TASP1: variants seen among roughly 807,000 people sequenced by gnomAD.
TASP1 encodes the protein taspase 1, also known as threonine aspartase 1.
A neutral mutation model predicts 56.6 loss-of-function variants in TASP1; 16 were observed. That is an observed-to-expected ratio of 0.28 (90% confidence interval 0.19 to 0.43). The LOEUF is 0.43. Ranked by LOEUF, TASP1 falls within the 20% of genes least tolerant of loss-of-function variation. The pLI is 1.00. For missense variants in TASP1, 393 were observed against 511.6 expected (o/e 0.77, Z 2.24); for synonymous variants, 179 against 184.2 (o/e 0.97, Z 0.23).
intron 8 of TASP1, among the ~76,000 whole-genome samples, chr20:13,542,881 T>A (rs997012980): frequency 2.2e-4 from 33 of 148,698 alleles, no homozygotes; most frequent in Admixed American, 2.0e-4. Flanking sequence ...GAAGAAAAAA[T>A]TAATAAGCTA....
At chr20:13,132,342 A>G in the TASP1 span, among the ~76,000 whole-genome samples, 13,699 of 151,638 alleles carry the variant, frequency 0.09, 660 homozygotes, top group Middle Eastern at 0.12. Context: ...ACGCCCAGCT[A>G]ATTTTTGTAT....
the TASP1 span, among the ~76,000 whole-genome samples, chr20:13,129,187 A>C: frequency 5.9e-5 from 9 of 152,240 alleles, no homozygotes; most frequent in African/African-American, 2.2e-4. Context: ...TTTGTAGTCG[A>C]GACGGGGTTT....
the TASP1 span, chr20:13,288,760 G>T: frequency 2.1e-6 from 3 of 1,409,336 alleles, no homozygotes; most frequent in South Asian, 1.3e-5. Context: ...TAGTGACATT[G>T]TCTTTTTAAA....
chr20:13,414,916 G>A (rs920413393), intron 13 of TASP1, among the ~76,000 whole-genome samples: 1 of 151,582 alleles, frequency 6.6e-6, no homozygotes, highest in Non-Finnish European at 1.5e-5. Context: ...CCTTTTCTAC[G>A]CAATATGATT....
chr20:13,490,715 T>G (rs561414255), intron 10 of TASP1, among the ~76,000 whole-genome samples: 1 of 142,664 alleles, frequency 7.0e-6, no homozygotes, highest in East Asian at 2.4e-4. Flanking sequence ...CACCCCTACC[T>G]TAAGGCCTAT....
the TASP1 span, among the ~76,000 whole-genome samples, chr20:13,369,645 G>A: frequency 6.6e-6 from 1 of 152,136 alleles, no homozygotes; most frequent in African/African-American, 2.4e-5. Flanking sequence ...TTCCCAGGGT[G>A]TTTATTAAGT....
chr20:13,280,902 C>A, the TASP1 span, among the ~76,000 whole-genome samples: 2 of 152,114 alleles, frequency 1.3e-5, no homozygotes, highest in African/African-American at 4.8e-5. Flanking sequence ...ACAAATGCAC[C>A]CATCGTCATG....
the TASP1 span, among the ~76,000 whole-genome samples, chr20:13,270,186 G>A: frequency 6.6e-6 from 1 of 152,172 alleles, no homozygotes. Context: ...ACATAATTTG[G>A]TTCCAGCTCT....
intron 8 of TASP1, among the ~76,000 whole-genome samples, chr20:13,548,235 C>T (rs980242396): frequency 6.6e-6 from 1 of 152,040 alleles, no homozygotes; most frequent in Non-Finnish European, 1.5e-5. Flanking sequence ...TCAAACTGTA[C>T]TTTTAGAAAA....
chr20:13,223,752 G>A, the TASP1 span, among the ~76,000 whole-genome samples: 1 of 152,064 alleles, frequency 6.6e-6, no homozygotes, highest in Non-Finnish European at 1.5e-5. Flanking sequence ...TATAGACTGG[G>A]GCACCCACCA....
chr20:13,270,382 C>A, the TASP1 span: 7 of 1,094,846 alleles, frequency 6.4e-6, no homozygotes, highest in South Asian at 1.1e-4. Flanking sequence ...GTTTGGAATG[C>A]CCTACTGGCT....
chr20:13,419,949 C>T (rs1183278271), intron 12 of TASP1, among the ~76,000 whole-genome samples: 1 of 152,220 alleles, frequency 6.6e-6, no homozygotes, highest in Non-Finnish European at 1.5e-5. Context: ...ACATCCAGAG[C>T]AAGGTCTGGG....
the TASP1 span, among the ~76,000 whole-genome samples, chr20:13,215,985 T>C: frequency 1.3e-5 from 2 of 152,224 alleles, no homozygotes; most frequent in Admixed American, 6.5e-5. Flanking sequence ...ACTTCAGGCT[T>C]TCTGTTCGTT....
intron 10 of TASP1, among the ~76,000 whole-genome samples, chr20:13,486,495 C>A (rs762179779): frequency 1.3e-5 from 2 of 152,158 alleles, no homozygotes; most frequent in Non-Finnish European, 2.9e-5. Flanking sequence ...ATGAAACCAA[C>A]TCACTATTCT....
the TASP1 span, among the ~76,000 whole-genome samples, chr20:13,243,609 T>C: frequency 6.6e-6 from 1 of 151,726 alleles, no homozygotes; most frequent in African/African-American, 2.4e-5. Flanking sequence ...CTGAATGCCA[T>C]TGACTGCCAT....
chr20:13,111,906 A>AAAC, the TASP1 span, among the ~76,000 whole-genome samples: 1 of 152,184 alleles, frequency 6.6e-6, no homozygotes, highest in Non-Finnish European at 1.5e-5. Context: ...CTACACAGAG[A>AAAC]AACAACTCCA....
At chr20:13,383,962 GA>G in the TASP1 span, among the ~76,000 whole-genome samples, 1 of 150,768 alleles carries the variant, frequency 6.6e-6, no homozygotes, top group Non-Finnish European at 1.5e-5. Flanking sequence ...TACCAGGTGG[GA>G]AAGACTGCTA....
intron 11 of TASP1, among the ~76,000 whole-genome samples, chr20:13,460,379 T>A (rs1259524342): frequency 1.3e-5 from 2 of 152,196 alleles, no homozygotes; most frequent in Non-Finnish European, 2.9e-5. Flanking sequence ...ACCTTTGGAA[T>A]GTTCCAGAGC....
chr20:13,147,533 G>T, the TASP1 span, among the ~76,000 whole-genome samples: 19 of 152,260 alleles, frequency 1.2e-4, no homozygotes, highest in Non-Finnish European at 2.1e-4. Context: ...TGCCAAGCCA[G>T]GGGAAAAAGT....
Sources: gnomAD v4.1 joint callset for allele counts (sites outside exome capture counted in the v4.1 genomes callset) on GRCh38, gnomAD v4.1.1 for gene constraint, MANE v1.5 for transcripts, NCBI Gene and HGNC (gene_info 2026-07-23, HGNC 2026-07-21) for gene names.